The following NTAN1 variants were observed in gnomAD, a reference collection of about 807,000 sequenced individuals.
The protein encoded by NTAN1 is N-terminal asparagine amidase.
NTAN1 carries 32 observed loss-of-function variants against 41.9 expected under a neutral mutation model. The ratio of observed to expected loss-of-function variants is 0.76; its 90% CI spans 0.58 to 1.03. The LOEUF is 1.03. Among genes scored for constraint, NTAN1 ranks in the 50% least tolerant of loss-of-function variants. The probability of loss-of-function intolerance (pLI) is 0.00; values close to 1 mark genes in which losing one functional copy is unlikely to be tolerated. For synonymous variants in NTAN1, 140 were observed against 139.5 expected (o/e 1.00, Z -0.03); for missense variants, 377 against 377.5 (o/e 1.00, Z 0.01).
At chr16:15,055,323 C>A (rs1372737362) in intron 1 of NTAN1, among the ~76,000 whole-genome samples, 2 of 152,210 alleles carry the variant, frequency 1.3e-5, no homozygotes, top group East Asian at 3.8e-4. Flanking sequence ...TATGGCCCAG[C>A]TGCGGAAAGC....
At chr16:15,044,522 C>T (rs758655524) in intron 4 of NTAN1, 115 bp from the exon 5 acceptor site, 11 of 740,098 alleles carry the variant, frequency 1.5e-5, no homozygotes, top group Non-Finnish European at 2.6e-5. Flanking sequence ...AGCAGAGCTG[C>T]AGGTCATCTT....
chr16:15,048,286 C>T (rs971056031), intron 1 of NTAN1, among the ~76,000 whole-genome samples, 187 bp from the exon 2 acceptor site: 4 of 152,194 alleles, frequency 2.6e-5, no homozygotes, highest in South Asian at 2.1e-4. Flanking sequence ...GCAGAGAAAA[C>T]GATGCGGTTC....
chr16:15,037,950 A>AGGATCCAGATCTGGAT lies in NTAN1; in HGVS notation c.*65_*80dup. The AGGATCCAGATCTGGAT allele has an allele frequency of 2.1e-6, 2 of 974,604 alleles. No homozygotes were observed. The highest frequency in any genetic ancestry group is 3.1e-5 in the South Asian group (2 of 64,948). 60.4% of individuals were successfully genotyped at this position (974,604 alleles called of 1,614,324 possible). A position where few individuals can be genotyped will look rare whatever the true frequency, so the allele number is the denominator to read the frequency against. ...AGGAGGCCTAAGACCCAACAGATGT[A>AGGATCCAGATCTGGAT]GGATCCAGATCTGGATTCGTGCCAG... is the stretch of plus-strand genomic sequence containing the variant. On this transcript the variant is annotated 3_prime_UTR_variant, in exon 10 of 10. Transcript: ENST00000287706.
In NTAN1 at chr16:15,055,922, C is replaced by T; in HGVS notation, c.50G>A (p.Gly17Glu). ...GRRVRLPQSA[G>E]DLVRAHPPLE... is the part of the protein sequence containing the mutation. ...AGGCGGGTGGGCTCGGACGAGGTCCCCGGCTGACTGCGGCAGCCGCACTCG... is the reference window on the plus strand; with the variant it reads ...AGGCGGGTGGGCTCGGACGAGGTCCTCGGCTGACTGCGGCAGCCGCACTCG... Residue 17 changes from glycine to glutamate, a missense_variant, in exon 1 of 10, where the codon GGG (glycine) becomes GAG (glutamate). Gly to Glu is a moderately conservative substitution (Grantham distance 98). Transcript: ENST00000287706. 2 of 1,232,900 alleles carry T rather than the reference C, an allele frequency of 1.6e-6. No individual in the cohort carries two copies. Among genetic ancestry groups the T allele is most frequent in the East Asian group, 3.2e-5 (1 of 31,616 alleles). The allele number at this position is 1,232,900 out of a possible 1,614,324, so 76.4% of individuals were successfully genotyped here.
chr16:15,055,919 T>C lies in NTAN1; in HGVS notation c.53A>G (p.Asp18Gly). The C allele has an allele frequency of 8.1e-7, 1 of 1,232,094 alleles. No homozygotes were observed. Among genetic ancestry groups the C allele is most frequent in the Non-Finnish European group, 1.0e-6 (1 of 987,448 alleles). The allele number at this position is 1,232,094 out of a possible 1,614,324, so 76.3% of individuals were successfully genotyped here. Residue 18 changes from aspartate (D) to glycine (G), a missense_variant, in exon 1 of 10, where the codon GAC becomes GGC. Transcript: ENST00000287706. ...RRVRLPQSAG[D>G]LVRAHPPLEE... ...CAAAGGCGGGTGGGCTCGGACGAGGTCCCCGGCTGACTGCGGCAGCCGCAC... is the reference window on the plus strand; with the variant it reads ...CAAAGGCGGGTGGGCTCGGACGAGGCCCCCGGCTGACTGCGGCAGCCGCAC...
rs1056118251 is a variant in NTAN1 at position 15,040,133 on chromosome 16, C to G, written c.542-67G>C. 2.2e-5 allele frequency: 18 copies of G among 830,730 alleles called. No individual in the cohort carries two copies. In the Admixed American group the frequency reaches 3.4e-4, roughly 16 times the overall value. The allele number at this position is 830,730 out of a possible 1,614,324, so 51.5% of individuals were successfully genotyped here. On this transcript the variant is annotated intron_variant, in intron 7 of 9. Transcript: ENST00000287706. ...AAAGCGGAAAGTCTGCACAGTCTTA[C>G]ATTTCTACCACCACTCCTAAGAGAA...
chr16:15,044,533 C>T (rs988088346), intron 4 of NTAN1, 126 bp from the exon 5 acceptor site: 8 of 688,290 alleles, frequency 1.2e-5, no homozygotes, highest in African/African-American at 1.8e-5. Flanking sequence ...AGGTCATCTT[C>T]GTGCCACCGC....
intron 1 of NTAN1, among the ~76,000 whole-genome samples, chr16:15,048,459 A>G (rs1405918011): frequency 2.0e-5 from 3 of 151,996 alleles, no homozygotes; most frequent in South Asian, 2.1e-4. Context: ...GGCTCAAGCA[A>G]TCTTCCTGCC....
At chr16:15,046,972 AC>A (rs1374084367) in intron 4 of NTAN1, among the ~76,000 whole-genome samples, 1 of 151,882 alleles carries the variant, frequency 6.6e-6, no homozygotes, top group Non-Finnish European at 1.5e-5. Context: ...CCGCCTCACC[AC>A]CCAACACCCC....
rs1217729318 is a variant in NTAN1, at chr16:15,038,140, A to G, written c.824T>C (p.Leu275Ser). ...GTGAGCTGGAGATGGGTGTTTTTTT[A>G]AAAACATCAAGGTAGATCTAATATG... ...VEHIRSTLMF[L>S]KKHPSPAHTL... is the part of the protein sequence containing the mutation. Residue 275 changes from leucine to serine, a missense_variant, in exon 10 of 10, where the codon TTA becomes TCA. By Grantham distance (145) the Leu-to-Ser change is moderately radical. Coordinates refer to ENST00000287706, the MANE Select transcript of NTAN1 (RefSeq NM_173474.4). 6 of 1,613,022 alleles carry G rather than the reference A, an allele frequency of 3.7e-6. No individual in the cohort carries two copies. The highest frequency in any genetic ancestry group is 1.3e-5 in the African/African-American group (1 of 74,986).
intron 5 of NTAN1, among the ~76,000 whole-genome samples, chr16:15,042,544 A>G (rs1249255730): frequency 6.6e-6 from 1 of 151,786 alleles, no homozygotes; most frequent in Non-Finnish European, 1.5e-5. Context: ...TGTAATTCTC[A>G]CCCTTTCATG....
chr16:15,044,676 CTT>C (rs1316343491), intron 4 of NTAN1: 1 of 518,360 alleles, frequency 1.9e-6, no homozygotes, highest in African/African-American at 1.9e-5. Flanking sequence ...CAGTGGGGAA[CTT>C]TGCTCTGGAA....
rs183652813 is a variant in NTAN1, at chr16:15,053,024, A to G, written c.81+2867T>C. 4.1e-4 allele frequency among the ~76,000 whole-genome samples: 63 copies of G among 152,288 alleles called. No homozygotes were observed. In the South Asian group the frequency reaches 5.8e-3, roughly 14 times the overall value. ...CTTCATGCTGGGATGGCCACCGTCT[A>G]TATTCACACTGTCTCATTAGTAGCC... On this transcript the variant is annotated intron_variant, in intron 1 of 9. Transcript: ENST00000287706.
intron 1 of NTAN1, among the ~76,000 whole-genome samples, chr16:15,055,185 GCT>G (rs1050832508): frequency 2.0e-5 from 3 of 151,908 alleles, no homozygotes; most frequent in Admixed American, 6.6e-5. Context: ...GCCACGCCCC[GCT>G]CTTTTTAAAA....
In NTAN1 at chr16:15,047,843, C is replaced by G; in HGVS notation, c.250+12G>C. The stretch of plus-strand genomic sequence containing the variant: ...GTTTAAGTAATGGTTTCCTTCACCT[C>G]TCTCATCATACCTGTGTGCCTCAGG... On this transcript the variant is annotated intron_variant, in intron 3 of 9. Coordinates refer to ENST00000287706, the MANE Select transcript of NTAN1 (RefSeq NM_173474.4). 3 of 1,606,402 alleles carry G rather than the reference C, an allele frequency of 1.9e-6. No individual in the cohort carries two copies. The highest frequency in any genetic ancestry group is 2.6e-6 in the Non-Finnish European group (3 of 1,172,942).
chr16:15,054,637 T>C (rs989211236), intron 1 of NTAN1, among the ~76,000 whole-genome samples: 1 of 152,212 alleles, frequency 6.6e-6, no homozygotes, highest in African/African-American at 2.4e-5. Flanking sequence ...CAGAGCTGTC[T>C]GCCTTCTCCC....
chr16:15,041,867 C>T (rs1004902572), intron 5 of NTAN1, among the ~76,000 whole-genome samples, 191 bp from the exon 6 acceptor site: 2 of 152,222 alleles, frequency 1.3e-5, no homozygotes, highest in African/African-American at 4.8e-5. Flanking sequence ...GAACCCTGAC[C>T]GCCAGGAGAT....
At chr16:15,048,237 T>G (rs1366671738) in intron 1 of NTAN1, 138 bp from the exon 2 acceptor site, 1 of 623,084 alleles carries the variant, frequency 1.6e-6, no homozygotes, top group Non-Finnish European at 2.8e-6. Context: ...ACAGAGAGGC[T>G]CAAAGAAAAA....
chr16:15,038,393 A>G lies in NTAN1; in HGVS notation c.753+181T>C. 6 of 625,530 alleles carry G rather than the reference A, an allele frequency of 9.6e-6. 1 individual carries two copies. In the South Asian group the frequency reaches 1.1e-4, roughly 11 times the overall value. 38.7% of individuals were successfully genotyped at this position (625,530 alleles called of 1,614,324 possible). A position where few individuals can be genotyped will look rare whatever the true frequency, so the allele number is the denominator to read the frequency against. ...TACTGCTTTACCCACACACATTTCC[A>G]TCTAGGACTTGACATATCCCCATTT... On this transcript the variant is annotated intron_variant, in intron 9 of 9. Coordinates refer to ENST00000287706, the MANE Select transcript of NTAN1 (RefSeq NM_173474.4).
Sources: gnomAD v4.1 joint callset for allele counts (sites outside exome capture counted in the v4.1 genomes callset) on GRCh38, gnomAD v4.1.1 for gene constraint, MANE v1.5 for transcripts, NCBI Gene and HGNC (gene_info 2026-07-23, HGNC 2026-07-21) for gene names.